TCP11L1: variants seen among roughly 807,000 people sequenced by gnomAD.
TCP11L1 encodes the protein T-complex protein 11-like protein 1.
In TCP11L1, 28 loss-of-function variants were observed where a neutral mutation model predicts 48.9. That is an observed-to-expected ratio of 0.57 (90% confidence interval 0.42 to 0.78). The LOEUF (loss-of-function observed/expected upper bound fraction) is 0.78. Ranked by LOEUF, TCP11L1 falls within the 30% of genes least tolerant of loss-of-function variation. TCP11L1 has a pLI of 0.00. For missense variants in TCP11L1, 505 were observed against 613.4 expected, an observed-to-expected ratio of 0.82 and a Z score of 1.87; for synonymous variants, 204 against 231.9, an observed-to-expected ratio of 0.88 and a Z score of 1.09.
At chr11:33,043,251 C>G (rs557905547) in intron 1 of TCP11L1, among the ~76,000 whole-genome samples, 1 of 152,008 alleles carries the variant, frequency 6.6e-6, no homozygotes, top group African/African-American at 2.4e-5. Flanking sequence ...AAAAAAAATT[C>G]TAGTTTCTGT....
chr11:33,067,583 T>G (rs1388568293), intron 8 of TCP11L1, among the ~76,000 whole-genome samples: 2 of 152,216 alleles, frequency 1.3e-5, no homozygotes, highest in Admixed American at 1.3e-4. Flanking sequence ...AGAACTACTC[T>G]GTCAAAGCTC....
chr11:33,072,513 C>T lies in TCP11L1; in HGVS notation c.1367C>T (p.Ser456Leu), dbSNP rs118146715. 0.021 allele frequency: 33,727 copies of T among 1,614,094 alleles called. 460 individuals carry two copies. Among genetic ancestry groups the T allele is most frequent in the Non-Finnish European group, 0.026 (30,474 of 1,180,014 alleles). The change falls in exon 10 of 10, where the codon TCG becomes TTG. Residue 456 changes from serine to leucine, a missense_variant. Transcript: ENST00000334274. ...ACCTTCTTAGAAACCTACCTTGCCT[C>T]GGGTCATCAGAAGCCATTGCCCACA... ...ILTFLETYLASGHQKPLPTVP... is the reference protein window; with the variant it reads ...ILTFLETYLALGHQKPLPTVP...
chr11:33,041,892 C>CA (rs1216941536), intron 1 of TCP11L1, among the ~76,000 whole-genome samples: 9 of 152,308 alleles, frequency 5.9e-5, no homozygotes, highest in African/African-American at 2.2e-4. Flanking sequence ...CACAGTCTGC[C>CA]AAACTCCCTA....
intron 2 of TCP11L1, among the ~76,000 whole-genome samples, chr11:33,048,970 G>A (rs191465191): frequency 1.6e-4 from 25 of 152,218 alleles, no homozygotes; most frequent in Non-Finnish European, 2.9e-4. Context: ...TAACAAATCC[G>A]GCCAGGCGCG....
intron 6 of TCP11L1, among the ~76,000 whole-genome samples, chr11:33,060,755 G>A (rs1163269377): frequency 6.6e-6 from 1 of 152,154 alleles, no homozygotes; most frequent in Non-Finnish European, 1.5e-5. Context: ...ATCTAAACAA[G>A]GAAAAGCCTC....
At chr11:33,048,830 C>T (rs746834541) in intron 2 of TCP11L1, among the ~76,000 whole-genome samples, 1 of 152,172 alleles carries the variant, frequency 6.6e-6, no homozygotes, top group Non-Finnish European at 1.5e-5. Context: ...GTGACTTGTT[C>T]AAGGCCGTAC....
chr11:33,050,648 CAAAT>C (rs67892135), intron 2 of TCP11L1, among the ~76,000 whole-genome samples: 62,086 of 151,512 alleles, frequency 0.41, 12,872 homozygotes, highest in African/African-American at 0.48. Flanking sequence ...TTTCAAAAAA[CAAAT>C]AACAAAAAAA....
At chr11:33,055,025 C>T (rs961178584) in intron 3 of TCP11L1, among the ~76,000 whole-genome samples, 3 of 152,208 alleles carry the variant, frequency 2.0e-5, no homozygotes, top group African/African-American at 7.2e-5. Flanking sequence ...ATCGCAAAGG[C>T]GAAGACTGTG....
At chr11:33,049,642 G>T (rs4581421) in intron 2 of TCP11L1, among the ~76,000 whole-genome samples, 62,405 of 151,914 alleles carry the variant, frequency 0.41, 13,038 homozygotes, top group African/African-American at 0.48. Context: ...GATGTGCACG[G>T]ATACAAACTT....
chr11:33,046,775 A>G (rs191378321), intron 2 of TCP11L1, among the ~76,000 whole-genome samples: 2 of 152,380 alleles, frequency 1.3e-5, no homozygotes, highest in South Asian at 2.1e-4. Flanking sequence ...TGGAATTAAC[A>G]GTTTACAGAC....
At position 33,059,109 on chromosome 11, in the gene TCP11L1, T is replaced by A. The variant is rs766890089; in HGVS notation, c.775+14T>A. On this transcript the variant is annotated intron_variant, in intron 6 of 9. Coordinates refer to ENST00000334274, the MANE Select transcript of TCP11L1 (RefSeq NM_018393.4). Reference sequence around the variant, plus strand: ...AGAGGCAACCAAGTATGTTGAATATTTTGTGGTACTTTTTTTGTTGTCTGT... The same window carrying A: ...AGAGGCAACCAAGTATGTTGAATATATTGTGGTACTTTTTTTGTTGTCTGT... 1 of 1,610,642 alleles carries A rather than the reference T, an allele frequency of 6.2e-7. No homozygotes were observed. Among genetic ancestry groups the A allele is most frequent in the South Asian group, 1.1e-5 (1 of 90,126 alleles).
chr11:33,051,539 CT>C (rs1284238783), intron 2 of TCP11L1, among the ~76,000 whole-genome samples: 1 of 151,778 alleles, frequency 6.6e-6, no homozygotes, highest in Non-Finnish European at 1.5e-5. Context: ...CCTTGCTTTT[CT>C]TTTTTTGAGA....
chr11:33,064,470 C>T (rs766015406), intron 7 of TCP11L1, among the ~76,000 whole-genome samples: 84 of 152,246 alleles, frequency 5.5e-4, no homozygotes, highest in Admixed American at 9.2e-4. Context: ...TGTAAACTCT[C>T]AGATCAGATT....
At chr11:33,068,657 A>G in intron 8 of TCP11L1, 30 bp from the exon 9 acceptor site, 2 of 1,608,444 alleles carry the variant, frequency 1.2e-6, no homozygotes, top group South Asian at 1.1e-5. Context: ...TATTTTACTT[A>G]TAGGCCCTTT....
At chr11:33,047,256 A>G (rs1430917961) in intron 2 of TCP11L1, among the ~76,000 whole-genome samples, 1 of 151,768 alleles carries the variant, frequency 6.6e-6, no homozygotes, top group Non-Finnish European at 1.5e-5. Context: ...TAACCGATGC[A>G]GAATATTGAA....
chr11:33,071,084 G>A lies in TCP11L1; in HGVS notation c.1328-1390G>A, dbSNP rs146413784. Among the ~76,000 whole-genome samples the A allele has an allele frequency of 1.9e-3, 294 of 151,912 alleles. 1 individual carries two copies. The highest frequency in any genetic ancestry group is 7.0e-3 in the African/African-American group (292 of 41,432). On this transcript the variant is annotated intron_variant, in intron 9 of 9. Coordinates refer to ENST00000334274, the MANE Select transcript of TCP11L1 (RefSeq NM_018393.4). Reference sequence around the variant, plus strand: ...AGTTCCAGCACTTTGGGAGGCGGGGGCAGACGGATCACTTGAGGTCAGGAA... The same window carrying A: ...AGTTCCAGCACTTTGGGAGGCGGGGACAGACGGATCACTTGAGGTCAGGAA...
chr11:33,064,664 T>G (rs1854561499), intron 7 of TCP11L1, among the ~76,000 whole-genome samples: 1 of 152,230 alleles, frequency 6.6e-6, no homozygotes, highest in Non-Finnish European at 1.5e-5. Flanking sequence ...TTTCTCTTCC[T>G]CTTTATTTAC....
rs189806973 is a variant in TCP11L1, at chr11:33,047,454, G to A, written c.163+3518G>A. On this transcript the variant is annotated intron_variant, in intron 2 of 9. Transcript: ENST00000334274. ...CTCACAAAATACCCTCTGTTCTAACGTTTAATCACCTAGTTGACCAGTAAA... is the reference window on the plus strand; with the variant it reads ...CTCACAAAATACCCTCTGTTCTAACATTTAATCACCTAGTTGACCAGTAAA... Among the ~76,000 whole-genome samples, 59 of 152,244 alleles carry A rather than the reference G, an allele frequency of 3.9e-4. No individual in the cohort carries two copies. The East Asian group carries it at 6.9e-3, about 18-fold the overall frequency.
chr11:33,058,461 G>A (rs749911373), intron 5 of TCP11L1, among the ~76,000 whole-genome samples: 9 of 151,644 alleles, frequency 5.9e-5, no homozygotes, highest in South Asian at 4.2e-4. Flanking sequence ...GCCTCCCAAA[G>A]TGCTGGGATT....
Sources: gnomAD v4.1 joint callset for allele counts (sites outside exome capture counted in the v4.1 genomes callset) on GRCh38, gnomAD v4.1.1 for gene constraint, MANE v1.5 for transcripts, NCBI Gene and HGNC (gene_info 2026-07-23, HGNC 2026-07-21) for gene names.